The following ULK4 variants were observed in gnomAD, a reference collection of about 807,000 sequenced individuals.
ULK4 encodes unc-51 like kinase 4.
ULK4 carries 133 observed loss-of-function variants against 160.6 expected under a neutral mutation model. The ratio of observed to expected loss-of-function variants is 0.83; its 90% CI spans 0.72 to 0.96. The LOEUF (loss-of-function observed/expected upper bound fraction) is 0.96, where lower values mean the gene tolerates loss of function less well. ULK4 is among the 40% of genes least tolerant of loss of function. ULK4 has a pLI of 0.00. For missense variants in ULK4, 1,580 were observed against 1,499.5 expected (o/e 1.05, Z -0.89); for synonymous variants, 534 against 539.8 (o/e 0.99, Z 0.15).
intron 17 of ULK4, among the ~76,000 whole-genome samples, chr3:41,864,101 T>C (rs939547996): frequency 2.0e-5 from 3 of 152,088 alleles, no homozygotes; most frequent in Admixed American, 2.0e-4. Flanking sequence ...GTGGTACGAT[T>C]TGCAGGAACT....
chr3:41,688,636 T>G (rs2036180135), intron 27 of ULK4, among the ~76,000 whole-genome samples: 1 of 152,222 alleles, frequency 6.6e-6, no homozygotes, highest in African/African-American at 2.4e-5. Context: ...TGTTTTTGTA[T>G]CCTAGTTATC....
chr3:41,655,568 G>A (rs987661475), intron 30 of ULK4, among the ~76,000 whole-genome samples: 5 of 152,104 alleles, frequency 3.3e-5, no homozygotes, highest in Non-Finnish European at 7.4e-5. Flanking sequence ...TTATCTAGGT[G>A]TAGCAGCATG....
At chr3:41,657,818 T>TACAAAAAAAAAAAAAA (rs2034996246) in intron 30 of ULK4, among the ~76,000 whole-genome samples, 1 of 99,760 alleles carries the variant, frequency 1.0e-5, no homozygotes, top group African/African-American at 6.7e-5. Flanking sequence ...TCCATCTCAT[T>TACAAAAAAAAAAAAAA]AAAAAAAAAA....
intron 35 of ULK4, among the ~76,000 whole-genome samples, chr3:41,317,061 C>CTTTTTTTTTTT (rs1170201981): frequency 2.2e-5 from 2 of 92,154 alleles, no homozygotes; most frequent in African/African-American, 9.6e-5. Flanking sequence ...GCAATTACAT[C>CTTTTTTTTTTT]TATTTTTTTT....
chr3:41,655,453 A>C (rs2034902692), intron 30 of ULK4, among the ~76,000 whole-genome samples: 1 of 152,018 alleles, frequency 6.6e-6, no homozygotes. Context: ...GGTGCAGCAC[A>C]CCAACATGGC....
At chr3:41,575,137 G>A (rs189299774) in intron 31 of ULK4, among the ~76,000 whole-genome samples, 1 of 152,354 alleles carries the variant, frequency 6.6e-6, no homozygotes, top group Admixed American at 6.5e-5. Context: ...TGACCCCTAA[G>A]GGTGAGAAAC....
intron 35 of ULK4, among the ~76,000 whole-genome samples, chr3:41,280,723 A>G (rs1198963665): frequency 6.6e-6 from 1 of 152,234 alleles, no homozygotes; most frequent in Non-Finnish European, 1.5e-5. Flanking sequence ...TCTAAAATTG[A>G]CATCCTAACA....
chr3:41,913,375 G>A (rs1264182386), intron 8 of ULK4, among the ~76,000 whole-genome samples: 1 of 151,888 alleles, frequency 6.6e-6, no homozygotes, highest in Admixed American at 6.6e-5. Flanking sequence ...ACAGGCGTCC[G>A]CCACCACGCC....
chr3:41,882,612 C>T (rs1697563301), intron 17 of ULK4, among the ~76,000 whole-genome samples: 1 of 152,182 alleles, frequency 6.6e-6, no homozygotes, highest in Non-Finnish European at 1.5e-5. Flanking sequence ...ATCCATCCTA[C>T]TTAATACTTA....
At chr3:41,657,582 G>A (rs2034984574) in intron 30 of ULK4, among the ~76,000 whole-genome samples, 2 of 151,948 alleles carry the variant, frequency 1.3e-5, no homozygotes, top group African/African-American at 4.8e-5. Flanking sequence ...CACTTTAAGA[G>A]GCCGAGGTGG....
At chr3:41,379,973 A>T (rs901284190) in intron 35 of ULK4, among the ~76,000 whole-genome samples, 5 of 152,204 alleles carry the variant, frequency 3.3e-5, no homozygotes, top group Admixed American at 6.5e-5. Flanking sequence ...GGCATGAACA[A>T]GTGCACTGAG....
rs149024588 is a variant in ULK4, at chr3:41,711,090, G to A, written c.2634+4147C>T. Reference sequence around the variant, plus strand: ...TCTTGGGGAGAGAAGCAGCCAGGGAGCTGCAAGGCTGAGGCACTGGAAGGA... The same window carrying A: ...TCTTGGGGAGAGAAGCAGCCAGGGAACTGCAAGGCTGAGGCACTGGAAGGA... On this transcript the variant is annotated intron_variant, in intron 25 of 36. Transcript: ENST00000301831. Among the ~76,000 whole-genome samples, 1,014 of 152,314 alleles carry A rather than the reference G, an allele frequency of 6.7e-3. 13 individuals carry two copies. The highest frequency in any genetic ancestry group is 0.023 in the African/African-American group (949 of 41,576).
At chr3:41,420,116 GA>G (rs1342301510) in intron 34 of ULK4, among the ~76,000 whole-genome samples, 4 of 148,720 alleles carry the variant, frequency 2.7e-5, no homozygotes, top group East Asian at 2.0e-4. Context: ...TAAATGTAAG[GA>G]AAAAAAAAGA....
At chr3:41,470,429 A>G (rs1341677303) in intron 32 of ULK4, among the ~76,000 whole-genome samples, 1 of 152,214 alleles carries the variant, frequency 6.6e-6, no homozygotes, top group East Asian at 1.9e-4. Flanking sequence ...AACAAATGCT[A>G]ACGGAATTCA....
chr3:41,889,802 C>G (rs1697852550), intron 16 of ULK4, among the ~76,000 whole-genome samples: 1 of 152,182 alleles, frequency 6.6e-6, no homozygotes, highest in Admixed American at 6.5e-5. Context: ...CACACAAAAC[C>G]TTGTAGACAA....
In ULK4 at chr3:41,309,542, T is replaced by TA. The variant is rs1440137652; in HGVS notation, c.3679-59969dup. ...TTAGAGAAAAAAGACTGATTACCTA[T>TA]AAAAAATGGCAATTAGATTCAAAGT... is the stretch of plus-strand genomic sequence containing the variant. On this transcript the variant is annotated intron_variant, in intron 35 of 36. Coordinates refer to ENST00000301831, the MANE Select transcript of ULK4 (RefSeq NM_017886.4). Among the ~76,000 whole-genome samples the TA allele has an allele frequency of 2.0e-5, 3 of 152,054 alleles. No individual in the cohort carries two copies. In the East Asian group the frequency reaches 5.8e-4, roughly 29 times the overall value.
chr3:41,424,527 G>A (rs1042448405), intron 34 of ULK4, among the ~76,000 whole-genome samples: 2 of 152,148 alleles, frequency 1.3e-5, no homozygotes, highest in Non-Finnish European at 2.9e-5. Context: ...ACTGGCATTA[G>A]GTTGGTGCAC....
intron 35 of ULK4, among the ~76,000 whole-genome samples, chr3:41,332,242 T>A (rs1198278999): frequency 6.6e-6 from 1 of 151,836 alleles, no homozygotes; most frequent in South Asian, 2.1e-4. Context: ...AAGAAACCTA[T>A]GTTTCCATTT....
At chr3:41,878,081 GAAAAAAAAA>G (rs35037891) in intron 17 of ULK4, among the ~76,000 whole-genome samples, 1 of 108,292 alleles carries the variant, frequency 9.2e-6, no homozygotes, top group East Asian at 3.0e-4. Context: ...GCTCTACCAG[GAAAAAAAAA>G]AAAAAAAAAA....
Sources: allele counts gnomAD v4.1 joint callset (sites outside exome capture counted in the v4.1 genomes callset), GRCh38; gene constraint gnomAD v4.1.1; transcripts MANE v1.5; gene names NCBI Gene and HGNC (gene_info 2026-07-23, HGNC 2026-07-21).